The following PTGER3 variants were observed in gnomAD, a reference collection of about 807,000 sequenced individuals.
The protein encoded by PTGER3 is prostaglandin E receptor 3, also known as prostaglandin E2 receptor EP3 subtype.
Under a neutral mutation model 34.7 loss-of-function variants are expected in PTGER3, and 22 were observed. The observed-to-expected ratio is 0.63, with a 90% confidence interval of 0.45 to 0.91. The LOEUF (loss-of-function observed/expected upper bound fraction) is 0.91. Ranked by LOEUF, PTGER3 falls within the 40% of genes least tolerant of loss-of-function variation. The pLI, the probability that PTGER3 is intolerant of heterozygous loss-of-function variation, is 0.00. For synonymous variants in PTGER3, 241 were observed against 230.1 expected (o/e 1.05, Z -0.43); for missense variants, 468 against 519.4 (o/e 0.90, Z 0.96).
intron 4 of PTGER3, among the ~76,000 whole-genome samples, chr1:70,934,191 A>G (rs2421735): frequency 0.28 from 41,942 of 152,026 alleles, 6,419 homozygotes; most frequent in African/African-American, 0.41. Context: ...TGGAAAAGGG[A>G]ACAAATTAGA....
At chr1:70,886,975 C>A (rs1646511811) in intron 4 of PTGER3, among the ~76,000 whole-genome samples, 1 of 152,118 alleles carries the variant, frequency 6.6e-6, no homozygotes, top group Non-Finnish European at 1.5e-5. Context: ...TAAGTTGCAA[C>A]ATAGGGGATG....
chr1:71,043,333 A>T (rs1236749805), intron 1 of PTGER3, among the ~76,000 whole-genome samples: 3 of 152,160 alleles, frequency 2.0e-5, no homozygotes, highest in Middle Eastern at 3.2e-3. Flanking sequence ...TTCACATTTT[A>T]TATTGTATTT....
At chr1:70,890,757 T>C (rs549793675) in intron 4 of PTGER3, among the ~76,000 whole-genome samples, 67 of 152,346 alleles carry the variant, frequency 4.4e-4, no homozygotes, top group Non-Finnish European at 8.4e-4. Flanking sequence ...ATCATGTTTA[T>C]ATTAAAAATC....
intron 2 of PTGER3, chr1:71,008,246 C>A: frequency 1.2e-5 from 11 of 928,548 alleles, no homozygotes; most frequent in Non-Finnish European, 1.4e-5. Context: ...CTGATTGATA[C>A]AAAGCTTCTG....
intron 4 of PTGER3, among the ~76,000 whole-genome samples, chr1:70,910,408 T>C (rs1263249111): frequency 6.6e-6 from 1 of 152,166 alleles, no homozygotes; most frequent in Non-Finnish European, 1.5e-5. Context: ...TTTTTTATTT[T>C]ATTTTATTTT....
intron 2 of PTGER3, chr1:71,010,865 A>G: frequency 1.0e-6 from 1 of 985,048 alleles, no homozygotes; most frequent in Non-Finnish European, 1.2e-6. Flanking sequence ...TATTGTACCT[A>G]TCAAAATTAA....
At chr1:70,889,709 T>C (rs1220919757) in intron 4 of PTGER3, among the ~76,000 whole-genome samples, 1 of 152,208 alleles carries the variant, frequency 6.6e-6, no homozygotes, top group African/African-American at 2.4e-5. Context: ...TTATGATCTA[T>C]AGTTTTCTTC....
At chr1:71,022,449 G>A (rs1572955679) in intron 1 of PTGER3, among the ~76,000 whole-genome samples, 1 of 151,914 alleles carries the variant, frequency 6.6e-6, no homozygotes, top group Non-Finnish European at 1.5e-5. Flanking sequence ...ATCCCTTCCT[G>A]TGACATAGTG....
intron 4 of PTGER3, among the ~76,000 whole-genome samples, chr1:70,856,997 T>C (rs1209877262): frequency 1.3e-5 from 2 of 152,258 alleles, no homozygotes; most frequent in African/African-American, 4.8e-5. Flanking sequence ...TCTCTGTACC[T>C]ATCTTCCCAA....
At chr1:70,998,612 G>A (rs1656191990) in intron 2 of PTGER3, among the ~76,000 whole-genome samples, 1 of 152,154 alleles carries the variant, frequency 6.6e-6, no homozygotes, top group Non-Finnish European at 1.5e-5. Context: ...TAAGAACCAA[G>A]TTGTTACTGC....
intron 1 of PTGER3, among the ~76,000 whole-genome samples, chr1:71,023,067 T>C (rs1218464148): frequency 6.6e-6 from 1 of 151,818 alleles, no homozygotes; most frequent in East Asian, 1.9e-4. Flanking sequence ...CCTACCTACA[T>C]ATAGACTGCT....
intron 1 of PTGER3, 76 bp from the exon 2 acceptor site, chr1:71,012,560 A>G: frequency 2.3e-6 from 3 of 1,327,014 alleles, no homozygotes; most frequent in South Asian, 1.4e-5. Flanking sequence ...TACTTTGCAC[A>G]TAGTTGGTTT....
At chr1:70,893,268 GCT>G (rs1646658115) in intron 4 of PTGER3, among the ~76,000 whole-genome samples, 1 of 152,184 alleles carries the variant, frequency 6.6e-6, no homozygotes, top group Non-Finnish European at 1.5e-5. Context: ...CAGATGAGAA[GCT>G]GATGCTTAAA....
rs563897130 is a variant in PTGER3 at position 70,980,765 on chromosome 1, T to C, written c.1078-6377A>G. Among the ~76,000 whole-genome samples the C allele has an allele frequency of 3.9e-4, 60 of 152,316 alleles. 1 individual carries two copies. Among genetic ancestry groups the C allele is most frequent in the African/African-American group, 1.4e-3 (58 of 41,558 alleles). ...GCCATAACAAACAGGCCATTTATTA[T>C]GCTAGCCTCACCTAGAGGTTCTTGT... On this transcript the variant is annotated intron_variant, in intron 2 of 3. Transcript: ENST00000306666.
intron 2 of PTGER3, among the ~76,000 whole-genome samples, chr1:70,986,903 C>T (rs965907824): frequency 6.6e-6 from 1 of 152,196 alleles, no homozygotes; most frequent in Non-Finnish European, 1.5e-5. Flanking sequence ...TCCTACTCTT[C>T]TACCTCCTAG....
rs568679011 is a variant in PTGER3 at position 70,992,458 on chromosome 1, C to T, written c.1078-18070G>A. On this transcript the variant is annotated intron_variant, in intron 2 of 3. Coordinates refer to ENST00000306666, the MANE Select transcript of PTGER3 (RefSeq NM_198719.2). ...TATTGAGCCTAGGCTGCTGTTATAGCGACCCACATGTTGTTCAAAATTGAA... is the reference window on the plus strand; with the variant it reads ...TATTGAGCCTAGGCTGCTGTTATAGTGACCCACATGTTGTTCAAAATTGAA... 2.6e-5 allele frequency among the ~76,000 whole-genome samples: 4 copies of T among 152,296 alleles called. No individual in the cohort carries two copies. The East Asian group carries it at 7.7e-4, about 29-fold the overall frequency.
At chr1:70,917,738 C>A (rs778453826) in intron 4 of PTGER3, among the ~76,000 whole-genome samples, 2 of 151,744 alleles carry the variant, frequency 1.3e-5, no homozygotes, top group Non-Finnish European at 2.9e-5. Flanking sequence ...TGATAATAGC[C>A]ATTCTAACTG....
intron 4 of PTGER3, among the ~76,000 whole-genome samples, chr1:70,884,837 T>C (rs1376724142): frequency 1.3e-5 from 2 of 152,198 alleles, no homozygotes; most frequent in Non-Finnish European, 1.5e-5. Flanking sequence ...TGCTATAGAA[T>C]TTTGCATCAT....
intron 2 of PTGER3, among the ~76,000 whole-genome samples, chr1:70,982,633 G>A (rs1654493578): frequency 6.6e-6 from 1 of 152,016 alleles, no homozygotes; most frequent in African/African-American, 2.4e-5. Context: ...TGGGCCACAA[G>A]TCTCCTGTCA....
Sources: gnomAD v4.1 joint callset for allele counts (sites outside exome capture counted in the v4.1 genomes callset) on GRCh38, gnomAD v4.1.1 for gene constraint, MANE v1.5 for transcripts, NCBI Gene and HGNC (gene_info 2026-07-23, HGNC 2026-07-21) for gene names.